The following PCDHA8 variants were observed in gnomAD, a reference collection of about 807,000 sequenced individuals.
The protein encoded by PCDHA8 is protocadherin alpha-8.
Under a neutral mutation model 61.8 loss-of-function variants are expected in PCDHA8, and 53 were observed. The observed-to-expected ratio is 0.86, with a 90% confidence interval of 0.69 to 1.08. The LOEUF (loss-of-function observed/expected upper bound fraction) is 1.08, where lower values mean the gene tolerates loss of function less well. Ranked by LOEUF, PCDHA8 falls within the 50% of genes least tolerant of loss-of-function variation. PCDHA8 has a pLI of 0.00. For missense variants in PCDHA8, 1,293 were observed against 1,245.0 expected, an observed-to-expected ratio of 1.04 and a Z score of -0.58; for synonymous variants, 618 against 556.6, an observed-to-expected ratio of 1.11 and a Z score of -1.55.
In PCDHA8 at chr5:140,851,034, C is replaced by T. The variant is rs2041932722; in HGVS notation, c.2394+7319C>T. On this transcript the variant is annotated intron_variant, in intron 1 of 3. Coordinates refer to ENST00000531613, the MANE Select transcript of PCDHA8 (RefSeq NM_018911.3). ...TTTTCTGATAAAGTAAACCCCTTAA[C>T]ATTGGAGCCGACTTTGTCTTGACTT... The T allele has an allele frequency of 3.1e-5, 44 of 1,402,710 alleles. 5 individuals are homozygous for T. Among genetic ancestry groups the T allele is most frequent in the Non-Finnish European group, 4.0e-5 (43 of 1,068,930 alleles). 86.9% of individuals were successfully genotyped at this position (1,402,710 alleles called of 1,614,324 possible).
chr5:140,982,963 A>G (rs2097017646), intron 3 of PCDHA8, among the ~76,000 whole-genome samples: 1 of 151,972 alleles, frequency 6.6e-6, no homozygotes, highest in South Asian at 2.1e-4. Context: ...AAACCCACCC[A>G]AAGTAGTAAG....
In PCDHA8 at chr5:140,967,370, G is replaced by A. The variant is rs1554229504; in HGVS notation, c.2395-11579G>A. ...CGAGCTGGACCTTAAGCCCCTGCAGGAGAACAGTAAAGTGCTTGAGCTGGT... is the reference window on the plus strand; with the variant it reads ...CGAGCTGGACCTTAAGCCCCTGCAGAAGAACAGTAAAGTGCTTGAGCTGGT... On this transcript the variant is annotated intron_variant, in intron 1 of 3. Transcript: ENST00000531613. The A allele has an allele frequency of 3.1e-6, 5 of 1,607,662 alleles. No individual in the cohort carries two copies. The South Asian group carries it at 3.3e-5, about 11-fold the overall frequency.
intron 1 of PCDHA8, chr5:140,871,292 C>G: frequency 1.2e-6 from 2 of 1,613,890 alleles, no homozygotes; most frequent in Non-Finnish European, 8.5e-7. Context: ...ACTGAGGGCG[C>G]GTGCGCGCCG....
At chr5:140,909,344 C>T (rs900022411) in intron 1 of PCDHA8, among the ~76,000 whole-genome samples, 1 of 152,164 alleles carries the variant, frequency 6.6e-6, no homozygotes, top group Non-Finnish European at 1.5e-5. Context: ...TACCAGGTAC[C>T]AAGAGATGTG....
chr5:140,917,329 G>T lies in PCDHA8; in HGVS notation c.2395-61620G>T, dbSNP rs543216216. Among the ~76,000 whole-genome samples the T allele has an allele frequency of 4.9e-5, 7 of 143,930 alleles. 1 individual carries two copies. The highest frequency in any genetic ancestry group is 1.6e-4 in the African/African-American group (6 of 37,952). The allele number at this position is 143,930 out of a possible 152,430, so 94.4% of individuals were successfully genotyped here. A position where few individuals can be genotyped will look rare whatever the true frequency, so the allele number is the denominator to read the frequency against. ...ACAATTTGGTGTTCATGTGGCGGGG[G>T]AGGGGGGGGATGGTGTAGGCTTCTG... On this transcript the variant is annotated intron_variant, in intron 1 of 3. Coordinates refer to ENST00000531613, the MANE Select transcript of PCDHA8 (RefSeq NM_018911.3).
At chr5:140,897,762 A>G (rs572488219) in intron 1 of PCDHA8, among the ~76,000 whole-genome samples, 1 of 152,324 alleles carries the variant, frequency 6.6e-6, no homozygotes, top group East Asian at 1.9e-4. Flanking sequence ...AGGAATCGCC[A>G]CACTGACTTC....
chr5:140,883,887 C>G (rs782749190), intron 1 of PCDHA8: 1 of 1,613,348 alleles, frequency 6.2e-7, no homozygotes, highest in South Asian at 1.1e-5. Flanking sequence ...GCGCGCGACT[C>G]TGGCGTGCCG....
At chr5:140,874,970 G>A (rs186825854) in intron 1 of PCDHA8, among the ~76,000 whole-genome samples, 1 of 152,280 alleles carries the variant, frequency 6.6e-6, no homozygotes, top group Admixed American at 6.5e-5. Flanking sequence ...AAGGGGAGGG[G>A]TGCTGTATAT....
intron 1 of PCDHA8, chr5:140,877,542 A>G (rs782391639): frequency 1.9e-6 from 3 of 1,613,752 alleles, no homozygotes; most frequent in Non-Finnish European, 2.5e-6. Flanking sequence ...TGGATCCCGA[A>G]GCGGCTCTGG....
At chr5:140,918,412 A>G (rs1335591362) in intron 1 of PCDHA8, among the ~76,000 whole-genome samples, 5 of 152,252 alleles carry the variant, frequency 3.3e-5, no homozygotes, top group Middle Eastern at 3.4e-3. Context: ...TCTGGCCAGG[A>G]CTTCCAGTAG....
intron 1 of PCDHA8, among the ~76,000 whole-genome samples, chr5:140,919,978 A>C (rs993704497): frequency 7.5e-6 from 1 of 134,032 alleles, no homozygotes; most frequent in Non-Finnish European, 1.7e-5. Flanking sequence ...AAGAGATAGA[A>C]GATGGAAAAC....
intron 3 of PCDHA8, among the ~76,000 whole-genome samples, chr5:140,983,854 T>C (rs1554245766): frequency 6.6e-6 from 1 of 152,206 alleles, no homozygotes; most frequent in Admixed American, 6.5e-5. Flanking sequence ...TTAAGTAACA[T>C]GCAGCTAAGG....
chr5:140,918,651 C>A (rs1418223257), intron 1 of PCDHA8, among the ~76,000 whole-genome samples: 1 of 152,144 alleles, frequency 6.6e-6, no homozygotes, highest in African/African-American at 2.4e-5. Flanking sequence ...AAACCTAATT[C>A]TCATGTTGAT....
Position 140,876,936 on chromosome 5 carries a change from G to C in PCDHA8, c.2394+33221G>C, listed in dbSNP as rs567563243. On this transcript the variant is annotated intron_variant, in intron 1 of 3. Transcript: ENST00000531613. ...GGGACGCGGACGCGCAGAAGAACGCGCTGGTGTCCTACTCGCTGGTGGAGC... is the reference window on the plus strand; with the variant it reads ...GGGACGCGGACGCGCAGAAGAACGCCCTGGTGTCCTACTCGCTGGTGGAGC... 190 of 1,613,730 alleles carry C rather than the reference G, an allele frequency of 1.2e-4. 1 individual carries two copies. The highest frequency in any genetic ancestry group is 1.5e-4 in the South Asian group (14 of 91,062).
At chr5:140,918,816 A>C (rs1178287306) in intron 1 of PCDHA8, among the ~76,000 whole-genome samples, 1 of 62,452 alleles carries the variant, frequency 1.6e-5, no homozygotes, top group Admixed American at 1.3e-4. Context: ...ATGAACCAAA[A>C]AGTGGCCCCC....
intron 1 of PCDHA8, chr5:140,967,093 G>T: frequency 6.2e-7 from 1 of 1,613,122 alleles, no homozygotes; most frequent in Non-Finnish European, 8.5e-7. Flanking sequence ...ATCGGGAGGC[G>T]CTGTGTGAGC....
At chr5:140,856,229 C>G (rs17844338) in intron 1 of PCDHA8, 1 of 1,597,934 alleles carries the variant, frequency 6.3e-7, no homozygotes, top group South Asian at 1.1e-5. Context: ...GCTGGTGCAG[C>G]GCCTGTTCCG....
At chr5:140,971,366 G>A (rs1554233245) in intron 1 of PCDHA8, among the ~76,000 whole-genome samples, 1 of 152,186 alleles carries the variant, frequency 6.6e-6, no homozygotes, top group Non-Finnish European at 1.5e-5. Flanking sequence ...TTTGCCAGGA[G>A]AGTGCATGAC....
Position 140,843,387 on chromosome 5 carries a change from C to T in PCDHA8, c.2066C>T (p.Pro689Leu). The change falls in exon 1 of 4, where the codon CCG becomes CTG. Residue 689 changes from proline to leucine, a missense_variant. Coordinates refer to ENST00000531613, the MANE Select transcript of PCDHA8 (RefSeq NM_018911.3). ...AGGCAGTCGGCTGGCGTTTTGGGTC[C>T]GGAAGCGGCGCTGGTGGATGTCAAC... The part of the protein sequence containing the change: ...SSRQSAGVLG[P>L]EAALVDVNVY... 6.3e-7 allele frequency: 1 copy of T among 1,596,066 alleles called. No individual in the cohort carries two copies. The highest frequency in any genetic ancestry group is 8.6e-7 in the Non-Finnish European group (1 of 1,165,592).
Sources: allele counts gnomAD v4.1 joint callset (sites outside exome capture counted in the v4.1 genomes callset), GRCh38; gene constraint gnomAD v4.1.1; transcripts MANE v1.5; gene names NCBI Gene and HGNC (gene_info 2026-07-23, HGNC 2026-07-21).